NELL2: variants seen among roughly 807,000 people sequenced by gnomAD.
NELL2 encodes the protein neural EGFL like 2.
Under a neutral mutation model 109.6 loss-of-function variants are expected in NELL2, and 41 were observed. The observed-to-expected ratio is 0.37, with a 90% CI of 0.29 to 0.49. The LOEUF is 0.49. Ranked by LOEUF, NELL2 falls within the 20% of genes least tolerant of loss-of-function variation. The pLI is 0.98. For synonymous variants in NELL2, 355 were observed against 344.7 expected (o/e 1.03, Z -0.33); for missense variants, 900 against 1,008.3 (o/e 0.89, Z 1.45).
At chr12:44,838,693 T>C (rs958791504) in intron 2 of NELL2, among the ~76,000 whole-genome samples, 4 of 152,196 alleles carry the variant, frequency 2.6e-5, no homozygotes, top group Non-Finnish European at 4.4e-5. Flanking sequence ...TGGTGTATTA[T>C]TACAATGTGG....
Position 44,681,541 on chromosome 12 carries a change from A to G in NELL2, c.1319-15932T>C, listed in dbSNP as rs529481003. ...ATTAACTCGTCATCTAGCATTAGGTATATTGCCCAATGCTATCCCTCCCCT... is the reference window on the plus strand; with the variant it reads ...ATTAACTCGTCATCTAGCATTAGGTGTATTGCCCAATGCTATCCCTCCCCT... On this transcript the variant is annotated intron_variant, in intron 12 of 19. Coordinates refer to ENST00000429094, the MANE Select transcript of NELL2 (RefSeq NM_001145108.2). Among the ~76,000 whole-genome samples the G allele has an allele frequency of 6.6e-5, 10 of 152,100 alleles. No individual in the cohort carries two copies. The East Asian group carries it at 1.9e-3, about 29-fold the overall frequency.
intron 15 of NELL2, among the ~76,000 whole-genome samples, chr12:44,543,300 T>A (rs1942657038): frequency 6.6e-6 from 1 of 152,130 alleles, no homozygotes; most frequent in South Asian, 2.1e-4. Flanking sequence ...CATCAGCAAA[T>A]CCTATTAGTA....
chr12:44,777,203 TA>T (rs1193782965), intron 6 of NELL2, 38 bp downstream of exon 6: 2 of 1,607,556 alleles, frequency 1.2e-6, no homozygotes, highest in East Asian at 4.5e-5. Context: ...TGACAAGTAA[TA>T]TATGGGGACT....
At chr12:44,890,786 A>G (rs541140728) in intron 1 of NELL2, among the ~76,000 whole-genome samples, 189 of 151,422 alleles carry the variant, frequency 1.2e-3, no homozygotes, top group African/African-American at 4.6e-3. Flanking sequence ...GCTGGAGTAC[A>G]ATGGTGGCAT....
chr12:44,593,280 T>C (rs1944826074), intron 15 of NELL2, among the ~76,000 whole-genome samples: 1 of 152,148 alleles, frequency 6.6e-6, no homozygotes, highest in South Asian at 2.1e-4. Context: ...AAAGAGATGA[T>C]TACATGTATA....
rs149277239 is a variant in NELL2, at chr12:44,676,877, C to CAGG, written c.1319-11269_1319-11268insCCT. 1.2e-3 allele frequency among the ~76,000 whole-genome samples: 182 copies of CAGG among 152,164 alleles called. 2 individuals carry two copies. In the East Asian group the frequency reaches 0.026, roughly 22 times the overall value. On this transcript the variant is annotated intron_variant, in intron 12 of 19. Coordinates refer to ENST00000429094, the MANE Select transcript of NELL2 (RefSeq NM_001145108.2). ...ATAGTTTCTGACTTCCTACTATGTC[C>CAGG]AAGGTACTATAATAACTTAGATACC...
chr12:44,780,420 C>T (rs1487974604), intron 3 of NELL2, among the ~76,000 whole-genome samples: 1 of 151,892 alleles, frequency 6.6e-6, no homozygotes, highest in Admixed American at 6.6e-5. Context: ...TCCAGTCAAA[C>T]ATCACAGAAA....
intron 5 of NELL2, among the ~76,000 whole-genome samples, chr12:44,777,751 T>C (rs1941809759): frequency 6.6e-6 from 1 of 152,216 alleles, no homozygotes; most frequent in Admixed American, 6.5e-5. Flanking sequence ...CATGAAAGCA[T>C]GCTCATTTGA....
At chr12:44,650,269 C>T (rs1341610374) in intron 13 of NELL2, among the ~76,000 whole-genome samples, 1 of 150,912 alleles carries the variant, frequency 6.6e-6, no homozygotes, top group Non-Finnish European at 1.5e-5. Flanking sequence ...CTGTTGTGGA[C>T]TGAATGTCTT....
chr12:44,674,431 T>A (rs1337767694), intron 12 of NELL2, among the ~76,000 whole-genome samples: 7 of 152,134 alleles, frequency 4.6e-5, no homozygotes, highest in Admixed American at 4.6e-4. Flanking sequence ...GGGCTTCAGG[T>A]GGATTTTGAA....
intron 5 of NELL2, 76 bp downstream of exon 5, chr12:44,779,587 T>C: frequency 2.5e-6 from 3 of 1,199,338 alleles, no homozygotes; most frequent in Admixed American, 2.1e-5. Flanking sequence ...TTTCACACCA[T>C]AAAAAGTAAA....
At chr12:44,810,764 G>C (rs1211482503) in intron 3 of NELL2, among the ~76,000 whole-genome samples, 4 of 151,990 alleles carry the variant, frequency 2.6e-5, no homozygotes, top group Non-Finnish European at 4.4e-5. Flanking sequence ...AGTGGCTGCC[G>C]TCAGGGATAG....
chr12:44,650,378 C>T (rs1285155257), intron 13 of NELL2, among the ~76,000 whole-genome samples: 1 of 151,704 alleles, frequency 6.6e-6, no homozygotes, highest in African/African-American at 2.4e-5. Flanking sequence ...ACTGCAACCT[C>T]CGCCTCCCAG....
rs897834525 is a variant in NELL2 at position 44,875,959 on chromosome 12, T to C, written c.-90A>G. On this transcript the variant is annotated 5_prime_UTR_variant, in exon 1 of 20. Coordinates refer to ENST00000429094, the MANE Select transcript of NELL2 (RefSeq NM_001145108.2). ...TTGGAATCAAGCGGGAAAATAACGTTTGTCTCTCCTGCTGCTGCCTCGGAT... is the reference window on the plus strand; with the variant it reads ...TTGGAATCAAGCGGGAAAATAACGTCTGTCTCTCCTGCTGCTGCCTCGGAT... The C allele has an allele frequency of 3.8e-6, 6 of 1,595,286 alleles. No individual in the cohort carries two copies. In the African/African-American group the frequency reaches 6.7e-5, roughly 18 times the overall value.
intron 13 of NELL2, among the ~76,000 whole-genome samples, chr12:44,636,002 C>T (rs1480247069): frequency 6.6e-6 from 1 of 152,088 alleles, no homozygotes; most frequent in Non-Finnish European, 1.5e-5. Context: ...TCTTTCATGT[C>T]CCTTGTAAGT....
chr12:44,666,881 C>A (rs1325457570), intron 12 of NELL2, among the ~76,000 whole-genome samples: 1 of 152,158 alleles, frequency 6.6e-6, no homozygotes, highest in East Asian at 1.9e-4. Flanking sequence ...TTCTAACCTA[C>A]CTGCTCTTTC....
chr12:44,749,184 G>A (rs991595484), intron 9 of NELL2, among the ~76,000 whole-genome samples: 2 of 152,072 alleles, frequency 1.3e-5, no homozygotes, highest in Non-Finnish European at 2.9e-5. Flanking sequence ...TATCCCTAAA[G>A]GTTTAGCTAA....
intron 15 of NELL2, among the ~76,000 whole-genome samples, chr12:44,542,324 A>G (rs1942612535): frequency 6.7e-6 from 1 of 149,738 alleles, no homozygotes; most frequent in Non-Finnish European, 1.5e-5. Flanking sequence ...TATCTTCTCA[A>G]TCTCTGAAAG....
intron 12 of NELL2, among the ~76,000 whole-genome samples, chr12:44,699,478 G>T (rs1949160621): frequency 6.6e-6 from 1 of 152,092 alleles, no homozygotes. Flanking sequence ...AGGAGAAAGG[G>T]TACAGAAGTT....
Sources: gnomAD v4.1 joint callset for allele counts (sites outside exome capture counted in the v4.1 genomes callset) on GRCh38, gnomAD v4.1.1 for gene constraint, MANE v1.5 for transcripts, NCBI Gene and HGNC (gene_info 2026-07-23, HGNC 2026-07-21) for gene names.